Variants in PDIA6 observed in about 807,000 individuals in gnomAD.
PDIA6 encodes the protein protein disulfide isomerase family A member 6, also known as protein disulfide-isomerase A6.
PDIA6 carries 29 observed loss-of-function variants against 58.4 expected under a neutral mutation model. The observed-to-expected ratio is 0.50, with a 90% CI of 0.37 to 0.68. The LOEUF is 0.68. PDIA6 is among the 30% of genes least tolerant of loss of function. The pLI, the probability that PDIA6 is intolerant of heterozygous loss-of-function variation, is 0.00. For missense variants in PDIA6, 480 were observed against 551.0 expected (o/e 0.87, Z 1.29); for synonymous variants, 192 against 202.6 (o/e 0.95, Z 0.44).
At chr2:10,804,834 C>T (rs1666665562) in intron 1 of PDIA6, among the ~76,000 whole-genome samples, 3 of 138,676 alleles carry the variant, frequency 2.2e-5, no homozygotes, top group Non-Finnish European at 4.7e-5. Flanking sequence ...TGTTTGTATC[C>T]TCTTTTATTT....
chr2:10,820,923 G>C, intron 1 of PDIA6: 1 of 695,800 alleles, frequency 1.4e-6, no homozygotes, highest in Middle Eastern at 2.3e-4. Context: ...AGCGTCCTAA[G>C]AGTCAGGAAG....
intron 1 of PDIA6, among the ~76,000 whole-genome samples, chr2:10,811,043 A>G (rs1686419): frequency 0.68 from 103,849 of 151,914 alleles, 36,991 homozygotes; most frequent in African/African-American, 0.9. Flanking sequence ...AGGAGTCTAC[A>G]GTCCCAGAGC....
chr2:10,818,948 A>G (rs1404556715), intron 2 of PDIA6, among the ~76,000 whole-genome samples: 1 of 151,868 alleles, frequency 6.6e-6, no homozygotes, highest in Non-Finnish European at 1.5e-5. Context: ...CCAAATCCTC[A>G]TTCCCCCTCC....
chr2:10,802,702 G>A, intron 1 of PDIA6, 62 bp from the exon 2 acceptor site: 1 of 1,302,894 alleles, frequency 7.7e-7, no homozygotes, highest in South Asian at 2.7e-5. Flanking sequence ...TGGAAACCCT[G>A]GGGAACCAGA....
At chr2:10,802,249 TC>T (rs1188922449) in intron 2 of PDIA6, among the ~76,000 whole-genome samples, 1 of 152,212 alleles carries the variant, frequency 6.6e-6, no homozygotes, top group Non-Finnish European at 1.5e-5. Context: ...CACTGGCCCC[TC>T]CATTTTCTTT....
upstream of PDIA6, among the ~76,000 whole-genome samples, chr2:10,835,479 G>A (rs79160767): frequency 0.045 from 6,810 of 152,262 alleles, 184 homozygotes; most frequent in African/African-American, 0.074. Context: ...TGACGAGGCC[G>A]GCGCACCCAC....
chr2:10,796,989 G>T, intron 4 of PDIA6, 92 bp downstream of exon 4: 2 of 1,053,980 alleles, frequency 1.9e-6, no homozygotes, highest in Non-Finnish European at 1.5e-6. Flanking sequence ...ATGAGGTTGA[G>T]AACCTTGCAG....
intron 11 of PDIA6, among the ~76,000 whole-genome samples, chr2:10,786,716 T>TA (rs770592126): frequency 3.9e-4 from 59 of 152,294 alleles, no homozygotes; most frequent in African/African-American, 1.4e-3. Flanking sequence ...GAATGGGAAA[T>TA]AAAACCTCTT....
upstream of PDIA6, among the ~76,000 whole-genome samples, chr2:10,814,914 G>A (rs1667146452): frequency 6.6e-6 from 1 of 152,224 alleles, no homozygotes; most frequent in African/African-American, 2.4e-5. Context: ...TGTGTGCTGT[G>A]TGGTCTCTGT....
chr2:10,806,628 C>CGAAAGAGAGAA (rs1553339930), intron 1 of PDIA6, among the ~76,000 whole-genome samples: 1 of 70,420 alleles, frequency 1.4e-5, no homozygotes. Context: ...AAAATAAAGA[C>CGAAAGAGAGAA]AGAAAGAAAG....
rs759436765 is a variant in PDIA6, at chr2:10,793,147, G to C, written c.402C>G (p.Leu134=). ...VDAALSALRQ[L]VKDRLGGRSG... ...TCCGTCCCCCGAGGCGATCCTTCAC[G>C]AGCTGGCGCAGAGCACTCAGCGCAG... Residue 134 remains leucine, a synonymous_variant, in exon 5 of 13, where the codon CTC becomes CTG. Coordinates refer to ENST00000272227, the MANE Select transcript of PDIA6 (RefSeq NM_005742.4). The C allele has an allele frequency of 2.5e-6, 4 of 1,614,018 alleles. No homozygotes were observed. The highest frequency in any genetic ancestry group is 1.6e-4 in the Middle Eastern group (1 of 6,062).
upstream of PDIA6, among the ~76,000 whole-genome samples, chr2:10,837,082 A>T (rs147642779): frequency 3.3e-5 from 5 of 152,304 alleles, no homozygotes; most frequent in Admixed American, 3.3e-4. Flanking sequence ...CCTGGGCTTG[A>T]TGCTGGGAGG....
At position 10,822,387 on chromosome 2, in the gene PDIA6, C is replaced by T. The variant is rs968529768; in HGVS notation, c.-47-3033G>A. 4.6e-5 allele frequency among the ~76,000 whole-genome samples: 7 copies of T among 152,198 alleles called. No homozygotes were observed. In the East Asian group the frequency reaches 1.2e-3, roughly 25 times the overall value. On this transcript the variant is annotated intron_variant, in intron 1 of 13. Transcript: ENST00000381611. ...ATGCCATTCTCCTTCCTCAGCCTCC[C>T]GAGTAGCTGAGACTACAGGCGCCCG...
chr2:10,812,603 G>A (rs1420445946), intron 1 of PDIA6, 75 bp downstream of exon 1: 5 of 1,392,352 alleles, frequency 3.6e-6, no homozygotes, highest in Non-Finnish European at 4.7e-6. Context: ...CGGCCCGCCG[G>A]GGAACGGCCT....
At chr2:10,830,243 C>T (rs13415153) in intron 1 of PDIA6, among the ~76,000 whole-genome samples, 3,138 of 152,286 alleles carry the variant, frequency 0.021, 95 homozygotes, top group African/African-American at 0.065. Context: ...GCTCCTAGCA[C>T]GGCCTGGGAA....
upstream of PDIA6, among the ~76,000 whole-genome samples, chr2:10,813,258 G>A (rs1288943041): frequency 1.3e-5 from 2 of 152,198 alleles, no homozygotes; most frequent in African/African-American, 4.8e-5. Context: ...CTCCGCACGC[G>A]CTGTCTGCAA....
intron 6 of PDIA6, among the ~76,000 whole-genome samples, chr2:10,791,344 CTA>C (rs1178987217): frequency 6.6e-6 from 1 of 151,988 alleles, no homozygotes; most frequent in Non-Finnish European, 1.5e-5. Flanking sequence ...TGGGGTTTTG[CTA>C]TGTTGCCCAG....
intron 2 of PDIA6, among the ~76,000 whole-genome samples, chr2:10,798,929 T>C (rs972157308): frequency 2.0e-5 from 3 of 152,070 alleles, no homozygotes; most frequent in African/African-American, 7.2e-5. Flanking sequence ...TAGAAACACA[T>C]GCATAAACCC....
chr2:10,817,525 C>T (rs891348297), upstream of PDIA6, among the ~76,000 whole-genome samples: 5 of 152,230 alleles, frequency 3.3e-5, no homozygotes, highest in Non-Finnish European at 7.3e-5. Flanking sequence ...CCTCCACAGT[C>T]GCAGAACTGC....
Sources: allele counts gnomAD v4.1 joint callset (sites outside exome capture counted in the v4.1 genomes callset), GRCh38; gene constraint gnomAD v4.1.1; transcripts MANE v1.5; gene names NCBI Gene and HGNC (gene_info 2026-07-23, HGNC 2026-07-21).